Variants in NT5C2 observed in about 807,000 individuals in gnomAD.
The protein encoded by NT5C2 is cytosolic purine 5'-nucleotidase.
In NT5C2, 58 loss-of-function variants were observed where a neutral mutation model predicts 76.1. That is an observed-to-expected ratio of 0.76 (90% CI 0.62 to 0.95). The LOEUF (loss-of-function observed/expected upper bound fraction) is 0.95. NT5C2 is among the 40% of genes least tolerant of loss of function. The pLI, the probability that NT5C2 is intolerant of heterozygous loss-of-function variation, is 0.00. For missense variants in NT5C2, 478 were observed against 690.3 expected, an observed-to-expected ratio of 0.69 and a Z score of 3.45; for synonymous variants, 229 against 237.4, an observed-to-expected ratio of 0.96 and a Z score of 0.32.
intron 3 of NT5C2, among the ~76,000 whole-genome samples, chr10:103,151,663 C>T (rs529910223): frequency 5.9e-5 from 9 of 152,196 alleles, no homozygotes; most frequent in African/African-American, 2.2e-4. Context: ...GGTGATTTAA[C>T]TCTATTAATC....
chr10:103,189,843 T>C (rs1308275315), intron 1 of NT5C2, among the ~76,000 whole-genome samples: 1 of 151,158 alleles, frequency 6.6e-6, no homozygotes, highest in Non-Finnish European at 1.5e-5. Flanking sequence ...TAATTTTTTA[T>C]ATTTTTAGTA....
intron 2 of NT5C2, among the ~76,000 whole-genome samples, chr10:103,175,278 A>T (rs1311664686): frequency 2.0e-5 from 3 of 152,174 alleles, no homozygotes; most frequent in Non-Finnish European, 4.4e-5. Flanking sequence ...AGGCACTAAA[A>T]CCACAGCACA....
At chr10:103,105,870 T>A in intron 5 of NT5C2, 69 bp from the exon 6 acceptor site, 1 of 1,089,788 alleles carries the variant, frequency 9.2e-7, no homozygotes, top group Non-Finnish European at 1.4e-6. Flanking sequence ...TAGTAGTATT[T>A]AATCATCATG....
intron 3 of NT5C2, among the ~76,000 whole-genome samples, chr10:103,146,948 T>C (rs942267773): frequency 4.6e-5 from 7 of 152,232 alleles, no homozygotes; most frequent in African/African-American, 1.7e-4. Context: ...ACATGACACA[T>C]ACAGAAATTT....
Position 103,095,994 on chromosome 10 carries a change from T to C in NT5C2, c.772-14A>G. 6.2e-7 allele frequency: 1 copy of C among 1,603,224 alleles called. No homozygotes were observed. The highest frequency in any genetic ancestry group is 8.5e-7 in the Non-Finnish European group (1 of 1,170,598). On this transcript the variant is annotated splice_polypyrimidine_tract_variant and intron_variant, in intron 11 of 18. Coordinates refer to ENST00000404739, the MANE Select transcript of NT5C2 (RefSeq NM_001351169.2). ...AGTCATAATTTTCTGGAAAAAAAAA[T>C]TTAACATAAGGTCCATATACTACTT...
At chr10:103,100,781 C>T in intron 8 of NT5C2, 1 of 609,132 alleles carries the variant, frequency 1.6e-6, no homozygotes, top group Non-Finnish European at 3.1e-6. Flanking sequence ...ATTAGCACCT[C>T]TGCTGGCCGT....
chr10:103,180,979 T>C (rs1164030934), intron 2 of NT5C2, among the ~76,000 whole-genome samples: 1 of 151,870 alleles, frequency 6.6e-6, no homozygotes, highest in African/African-American at 2.4e-5. Flanking sequence ...TCCTAGAAAA[T>C]GCACACTAAT....
intron 3 of NT5C2, among the ~76,000 whole-genome samples, chr10:103,144,308 G>C (rs1457472648): frequency 6.6e-6 from 1 of 152,124 alleles, no homozygotes; most frequent in Admixed American, 6.6e-5. Flanking sequence ...ATACAATCCA[G>C]GAGAGAAGTA....
At chr10:103,147,446 A>G (rs1425978553) in intron 3 of NT5C2, among the ~76,000 whole-genome samples, 4 of 152,174 alleles carry the variant, frequency 2.6e-5, no homozygotes, top group Admixed American at 6.5e-5. Flanking sequence ...ATCTCAAGTG[A>G]TTTTGTCAAG....
At chr10:103,186,759 A>G (rs908787793) in intron 1 of NT5C2, among the ~76,000 whole-genome samples, 7 of 151,676 alleles carry the variant, frequency 4.6e-5, no homozygotes, top group Non-Finnish European at 1.0e-4. Flanking sequence ...CTAAAAATAC[A>G]AAAAAATAGC....
At chr10:103,090,821 T>C in intron 17 of NT5C2, 34 bp from the exon 18 acceptor site, 2 of 1,608,796 alleles carry the variant, frequency 1.2e-6, no homozygotes, top group Non-Finnish European at 1.7e-6. Flanking sequence ...TCTTGGCTCA[T>C]TCAACAAATA....
Position 103,097,275 on chromosome 10 carries a change from C to T in NT5C2, c.771+16G>A. 1 of 1,567,110 alleles carries T rather than the reference C, an allele frequency of 6.4e-7. No individual in the cohort carries two copies. The highest frequency in any genetic ancestry group is 2.3e-5 in the East Asian group (1 of 44,252). ...TAATTCCACTGCATAAATAAATATA[C>T]ACATGAAGCACTTACATCTGTATAT... On this transcript the variant is annotated intron_variant, in intron 11 of 18. Transcript: ENST00000404739.
intron 3 of NT5C2, among the ~76,000 whole-genome samples, chr10:103,145,530 T>G (rs2081326893): frequency 6.6e-6 from 1 of 152,150 alleles, no homozygotes; most frequent in South Asian, 2.1e-4. Flanking sequence ...ATTTCTAAAT[T>G]ATTAACAAGT....
chr10:103,191,539 G>T (rs1273961231), intron 1 of NT5C2, among the ~76,000 whole-genome samples: 1 of 152,124 alleles, frequency 6.6e-6, no homozygotes, highest in African/African-American at 2.4e-5. Context: ...CTTTCTTTAG[G>T]AAGATGTGAT....
intron 4 of NT5C2, among the ~76,000 whole-genome samples, chr10:103,117,392 G>A (rs928733180): frequency 1.6e-4 from 25 of 152,178 alleles, no homozygotes; most frequent in Non-Finnish European, 3.7e-4. Flanking sequence ...ACACTTAACA[G>A]TCTCAGCACT....
At chr10:103,093,358 A>G (rs1473733653) in intron 14 of NT5C2, 49 bp from the exon 15 acceptor site, 3 of 1,454,194 alleles carry the variant, frequency 2.1e-6, no homozygotes, top group Non-Finnish European at 2.8e-6. Context: ...TATTAAAATC[A>G]GCATTCCAAT....
intron 4 of NT5C2, among the ~76,000 whole-genome samples, chr10:103,134,185 C>G (rs576904507): frequency 6.6e-6 from 1 of 152,262 alleles, no homozygotes; most frequent in South Asian, 2.1e-4. Flanking sequence ...AACAAAGAGC[C>G]TAATGCTAAT....
intron 3 of NT5C2, chr10:103,146,502 G>T: frequency 1.1e-6 from 1 of 879,230 alleles, no homozygotes; most frequent in Non-Finnish European, 1.4e-6. Flanking sequence ...AGTGCTTTTT[G>T]AGAGGGCAAA....
At chr10:103,150,305 A>G (rs1166865276) in intron 3 of NT5C2, among the ~76,000 whole-genome samples, 1 of 152,162 alleles carries the variant, frequency 6.6e-6, no homozygotes, top group East Asian at 1.9e-4. Flanking sequence ...TTACTTTGTC[A>G]TGTGTCTGGC....
Sources: gnomAD v4.1 joint callset for allele counts (sites outside exome capture counted in the v4.1 genomes callset) on GRCh38, gnomAD v4.1.1 for gene constraint, MANE v1.5 for transcripts, NCBI Gene and HGNC (gene_info 2026-07-23, HGNC 2026-07-21) for gene names.